Variants in P4HA1 observed in about 807,000 individuals in gnomAD.
P4HA1 encodes the protein prolyl 4-hydroxylase subunit alpha 1.
A neutral mutation model predicts 72.8 loss-of-function variants in P4HA1; 24 were observed. That is an observed-to-expected ratio of 0.33 (90% CI 0.24 to 0.46). The LOEUF is 0.46. Ranked by LOEUF, P4HA1 falls within the 20% of genes least tolerant of loss-of-function variation. The probability of loss-of-function intolerance (pLI) is 1.00; values close to 1 mark genes in which losing one functional copy is unlikely to be tolerated. For synonymous variants in P4HA1, 201 were observed against 218.8 expected, an observed-to-expected ratio of 0.92 and a Z score of 0.72; for missense variants, 446 against 640.6, an observed-to-expected ratio of 0.70 and a Z score of 3.28.
At chr10:73,049,601 C>G (rs1007586176) in intron 7 of P4HA1, among the ~76,000 whole-genome samples, 8 of 152,030 alleles carry the variant, frequency 5.3e-5, no homozygotes, top group African/African-American at 1.7e-4. Flanking sequence ...TTGCTTTTGG[C>G]CTAGTATCTA....
At chr10:73,051,298 C>A (rs1459189057) in intron 6 of P4HA1, 49 bp from the exon 7 acceptor site, 2 of 984,180 alleles carry the variant, frequency 2.0e-6, no homozygotes, top group South Asian at 3.0e-5. Context: ...CATGCTTGTT[C>A]AAGCATCAGA....
chr10:73,023,935 GCTAA>G (rs1186226857), intron 10 of P4HA1, among the ~76,000 whole-genome samples: 2 of 152,076 alleles, frequency 1.3e-5, no homozygotes, highest in Non-Finnish European at 2.9e-5. Flanking sequence ...AACAAGAAGT[GCTAA>G]CTATTCTAAA....
chr10:73,013,920 TAG>T (rs1479989912), intron 12 of P4HA1, among the ~76,000 whole-genome samples: 4 of 152,134 alleles, frequency 2.6e-5, no homozygotes, highest in African/African-American at 9.7e-5. Context: ...TTCAAATATA[TAG>T]AGATTTTTAT....
chr10:73,016,670 G>A (rs1203552565), intron 11 of P4HA1, among the ~76,000 whole-genome samples, 176 bp downstream of exon 11: 2 of 152,158 alleles, frequency 1.3e-5, no homozygotes, highest in African/African-American at 4.8e-5. Flanking sequence ...CCAGCTACTC[G>A]GGAGGCTGAG....
At chr10:73,029,062 G>A (rs1691841295) in intron 10 of P4HA1, among the ~76,000 whole-genome samples, 3 of 151,810 alleles carry the variant, frequency 2.0e-5, no homozygotes, top group South Asian at 4.2e-4. Flanking sequence ...AGAAGCAAAA[G>A]TATCACCTTT....
In P4HA1 at chr10:73,008,269, G is replaced by T; in HGVS notation, c.1558C>A (p.Arg520Ser). The T allele has an allele frequency of 6.2e-7, 1 of 1,601,896 alleles. No individual in the cohort carries two copies. Among genetic ancestry groups the T allele is most frequent in the Non-Finnish European group, 8.6e-7 (1 of 1,169,360 alleles). Residue 520 changes from arginine (R) to serine (S), a missense_variant, in exon 15 of 15, where the codon CGT becomes AGT. Physicochemically the swap from Arg to Ser is moderately radical, Grantham distance 110. Transcript: ENST00000394890. ...KWVSNKWLHE[R>S]GQEFRRPCTL... ...CAAGGTCTTCGAAATTCTTGTCCAC[G>T]TTCATGGAGCCATTTATTGGATACT... is the stretch of plus-strand genomic sequence containing the variant.
intron 9 of P4HA1, among the ~76,000 whole-genome samples, chr10:73,040,761 C>T (rs1379738921): frequency 6.6e-6 from 1 of 151,988 alleles, no homozygotes; most frequent in Admixed American, 6.6e-5. Context: ...CGTGAGCCAC[C>T]ACTCCTGGCC....
At chr10:73,064,357 C>T (rs78309704) in intron 5 of P4HA1, among the ~76,000 whole-genome samples, 1,738 of 152,068 alleles carry the variant, frequency 0.011, 39 homozygotes, top group African/African-American at 0.039. Flanking sequence ...TGCCTGTAGT[C>T]CTGGCTACTT....
chr10:73,087,291 CAG>C (rs1416601617), intron 1 of P4HA1, among the ~76,000 whole-genome samples: 1 of 131,320 alleles, frequency 7.6e-6, no homozygotes, highest in African/African-American at 2.8e-5. Flanking sequence ...TTTTTTGAGA[CAG>C]AGTCTCACTC....
rs190268081 is a variant in P4HA1, at chr10:73,089,315, T to G, written c.-33+7451A>C. Among the ~76,000 whole-genome samples, 22 of 152,340 alleles carry G rather than the reference T, an allele frequency of 1.4e-4. No homozygotes were observed. The East Asian group carries it at 3.9e-3, about 27-fold the overall frequency. ...CCTTCTAAGCTACAACTCTGCTGAA[T>G]TAACCTATTCACTAGAGCTTTTTTG... On this transcript the variant is annotated intron_variant, in intron 1 of 14. Transcript: ENST00000394890.
In P4HA1 at chr10:73,045,648, G is replaced by A. The variant is rs746058674; in HGVS notation, c.1078-597C>T. On this transcript the variant is annotated intron_variant, in intron 8 of 14. Transcript: ENST00000394890. ...TAAAAACAGCAAGAAAGAGGTGACC[G>A]CCTAGATAATAATTTCAATTTTTTT... Among the ~76,000 whole-genome samples the A allele has an allele frequency of 4.6e-5, 7 of 151,840 alleles. 1 individual carries two copies. The highest frequency in any genetic ancestry group is 9.7e-5 in the African/African-American group (4 of 41,348).
At chr10:73,057,447 G>A (rs1287062796) in intron 5 of P4HA1, among the ~76,000 whole-genome samples, 5 of 152,066 alleles carry the variant, frequency 3.3e-5, no homozygotes, top group Admixed American at 1.3e-4. Flanking sequence ...CCAAGATGGC[G>A]CTACTGCACT....
chr10:73,030,244 T>C (rs1840403298), intron 10 of P4HA1, 27 bp downstream of exon 10: 1 of 1,193,426 alleles, frequency 8.4e-7, no homozygotes, highest in Non-Finnish European at 1.2e-6. Context: ...AGTGTAAAAA[T>C]GACTTAAGGA....
At position 73,022,673 on chromosome 10, in the gene P4HA1, G is replaced by C. The variant is rs564202487; in HGVS notation, c.1249-5774C>G. On this transcript the variant is annotated intron_variant, in intron 10 of 14. Transcript: ENST00000394890. Reference sequence around the variant, plus strand: ...GATGAGCTGACAGAAGTAGGCTTCAGAAGGTCGGTAATAACAAACCTCCCA... The same window carrying C: ...GATGAGCTGACAGAAGTAGGCTTCACAAGGTCGGTAATAACAAACCTCCCA... 2.0e-5 allele frequency among the ~76,000 whole-genome samples: 3 copies of C among 152,280 alleles called. No homozygotes were observed. In the South Asian group the frequency reaches 6.2e-4, roughly 32 times the overall value.
At chr10:73,089,897 C>T (rs903552818) in intron 1 of P4HA1, among the ~76,000 whole-genome samples, 10 of 152,264 alleles carry the variant, frequency 6.6e-5, no homozygotes, top group African/African-American at 1.9e-4. Context: ...AGTGCAGTAG[C>T]GTGATCTTGG....
In P4HA1 at chr10:73,047,010, T is replaced by A; in HGVS notation, c.992A>T (p.Glu331Val). ...FILAPAKQED[E>V]WDKPRIIRFH... The stretch of plus-strand genomic sequence containing the variant: ...GCGAATAATACGAGGCTTGTCCCAT[T>A]CATCCTCCTGTTTAGCTGGAGCCAG... Residue 331 changes from glutamate to valine, a missense_variant, in exon 8 of 15, where the codon GAA (glutamate) becomes GTA (valine). Transcript: ENST00000394890. 6.2e-7 allele frequency: 1 copy of A among 1,613,008 alleles called. No homozygotes were observed. The highest frequency in any genetic ancestry group is 1.7e-5 in the Admixed American group (1 of 60,014).
chr10:73,049,622 T>C (rs1018965338), intron 7 of P4HA1, among the ~76,000 whole-genome samples: 7 of 152,218 alleles, frequency 4.6e-5, no homozygotes, highest in Admixed American at 1.3e-4. Context: ...TTAACATCTA[T>C]AGAACTGGAA....
At chr10:73,068,122 T>C (rs763307557) in intron 5 of P4HA1, among the ~76,000 whole-genome samples, 16 of 152,224 alleles carry the variant, frequency 1.1e-4, no homozygotes, top group Admixed American at 2.0e-4. Context: ...TTATTTACTA[T>C]TATACCATGT....
chr10:73,082,970 T>C lies in P4HA1; in HGVS notation c.-32-8055A>G, dbSNP rs1164568483. Among the ~76,000 whole-genome samples the C allele has an allele frequency of 5.7e-5, 6 of 104,704 alleles. 2 individuals carry two copies. The highest frequency in any genetic ancestry group is 9.4e-5 in the Non-Finnish European group (6 of 63,826). The allele number at this position is 104,704 out of a possible 152,430, so 68.7% of individuals were successfully genotyped here. Reference sequence around the variant, plus strand: ...GACATTATGACTTTATCAAAAATTATAAAATATAAATGCCTCCTGTTCTAA... The same window carrying C: ...GACATTATGACTTTATCAAAAATTACAAAATATAAATGCCTCCTGTTCTAA... On this transcript the variant is annotated intron_variant, in intron 1 of 14. Transcript: ENST00000394890.
Sources: gnomAD v4.1 joint callset for allele counts (sites outside exome capture counted in the v4.1 genomes callset) on GRCh38, gnomAD v4.1.1 for gene constraint, MANE v1.5 for transcripts, NCBI Gene and HGNC (gene_info 2026-07-23, HGNC 2026-07-21) for gene names.